Variants in GUCY1A2 observed in about 807,000 individuals in gnomAD.
GUCY1A2 encodes the protein guanylate cyclase soluble subunit alpha-2.
In GUCY1A2, 27 loss-of-function variants were observed where a neutral mutation model predicts 63.5. That is an observed-to-expected ratio of 0.43 (90% CI 0.31 to 0.59). GUCY1A2 has a LOEUF of 0.59. Ranked by LOEUF, GUCY1A2 falls within the 20% of genes least tolerant of loss-of-function variation. GUCY1A2 has a pLI of 0.11. For synonymous variants in GUCY1A2, 364 were observed against 343.5 expected (o/e 1.06, Z -0.66); for missense variants, 768 against 913.3 (o/e 0.84, Z 2.05).
Position 106,674,773 on chromosome 11 carries a change from A to C in GUCY1A2, c.*12776T>G, listed in dbSNP as rs989801752. ...ATTGCAAACCAAACCAAAAATTTAG[A>C]CCCATGAAATTGCAGCAAACAAATT... On this transcript the variant is annotated 3_prime_UTR_variant, in exon 8 of 8. Coordinates refer to ENST00000526355, the MANE Select transcript of GUCY1A2 (RefSeq NM_000855.3). The C allele has an allele frequency of 2.8e-5, 6 of 210,844 alleles. No homozygotes were observed. The highest frequency in any genetic ancestry group is 1.4e-4 in the African/African-American group (6 of 44,224). The allele number at this position is 210,844 out of a possible 1,614,324, so 13.1% of individuals were successfully genotyped here. A position where few individuals can be genotyped will look rare whatever the true frequency, so the allele number is the denominator to read the frequency against.
chr11:106,851,047 C>CTA (rs1859347153), intron 4 of GUCY1A2, among the ~76,000 whole-genome samples: 2 of 151,680 alleles, frequency 1.3e-5, no homozygotes, highest in East Asian at 3.9e-4. Flanking sequence ...ACTGGAGTGA[C>CTA]ATCTCTCATT....
At chr11:106,766,891 G>A (rs1402287090) in intron 6 of GUCY1A2, among the ~76,000 whole-genome samples, 1 of 152,010 alleles carries the variant, frequency 6.6e-6, no homozygotes. Flanking sequence ...CCTACTAAAT[G>A]GGTTGATGAA....
chr11:106,871,066 A>C (rs1859670597), intron 4 of GUCY1A2, among the ~76,000 whole-genome samples: 1 of 146,624 alleles, frequency 6.8e-6, no homozygotes, highest in Admixed American at 7.4e-5. Context: ...CATAATTAGC[A>C]ACTAATAAAC....
chr11:106,725,402 G>T lies in GUCY1A2; in HGVS notation c.1837-16736C>A, dbSNP rs1180933708. On this transcript the variant is annotated intron_variant, in intron 6 of 7. Coordinates refer to ENST00000526355, the MANE Select transcript of GUCY1A2 (RefSeq NM_000855.3). The stretch of plus-strand genomic sequence containing the variant: ...TTAGCCGGGATGGTCTCGATCTCCT[G>T]ACCTCGTGATCCGCCCGCCTCGGCC... Among the ~76,000 whole-genome samples, 4 of 47,260 alleles carry T rather than the reference G, an allele frequency of 8.5e-5. 1 individual carries two copies. The highest frequency in any genetic ancestry group is 4.2e-4 in the Admixed American group (2 of 4,792). 31.0% of individuals were successfully genotyped at this position (47,260 alleles called of 152,430 possible). A position where few individuals can be genotyped will look rare whatever the true frequency, so the allele number is the denominator to read the frequency against.
In GUCY1A2 at chr11:106,812,987, A is replaced by G. The variant is rs1565298018; in HGVS notation, c.1207-2509T>C. ...ATTTTTACTTTAATTGGAAAATAATATAAATTATCCTTCTTGAATTATGTT... is the reference window on the plus strand; with the variant it reads ...ATTTTTACTTTAATTGGAAAATAATGTAAATTATCCTTCTTGAATTATGTT... On this transcript the variant is annotated intron_variant, in intron 4 of 7. Coordinates refer to ENST00000526355, the MANE Select transcript of GUCY1A2 (RefSeq NM_000855.3). 2.0e-5 allele frequency among the ~76,000 whole-genome samples: 3 copies of G among 152,056 alleles called. No individual in the cohort carries two copies. In the East Asian group the frequency reaches 5.8e-4, roughly 29 times the overall value.
At chr11:106,923,976 A>G (rs1482589188) in intron 4 of GUCY1A2, among the ~76,000 whole-genome samples, 1 of 152,198 alleles carries the variant, frequency 6.6e-6, no homozygotes, top group Non-Finnish European at 1.5e-5. Context: ...CCAAAATTAT[A>G]AGAATAAAAT....
chr11:106,810,512 C>G (rs1858749242), intron 4 of GUCY1A2, 34 bp from the exon 5 acceptor site: 1 of 1,533,036 alleles, frequency 6.5e-7, no homozygotes, highest in East Asian at 2.3e-5. Context: ...GATCAGTACT[C>G]TTCACATAGT....
intron 6 of GUCY1A2, among the ~76,000 whole-genome samples, chr11:106,757,839 A>G (rs1864000472): frequency 6.6e-6 from 1 of 152,178 alleles, no homozygotes. Context: ...TCATGGACCC[A>G]CTTGAGGAGA....
chr11:106,848,926 C>T (rs112406123), intron 4 of GUCY1A2, among the ~76,000 whole-genome samples: 2,438 of 151,608 alleles, frequency 0.016, 29 homozygotes, highest in Admixed American at 0.027. Context: ...GGAAAAGTTA[C>T]GTTTTGAATT....
intron 4 of GUCY1A2, among the ~76,000 whole-genome samples, chr11:106,907,339 T>G (rs1300224133): frequency 6.6e-6 from 1 of 152,090 alleles, no homozygotes; most frequent in Non-Finnish European, 1.5e-5. Context: ...ATGTCTTTTT[T>G]TAGGGTGACA....
chr11:106,709,603 GTTATATATTATATACGTGTATATA>G (rs201268599), intron 6 of GUCY1A2, among the ~76,000 whole-genome samples: 1 of 65,830 alleles, frequency 1.5e-5, no homozygotes, highest in South Asian at 5.4e-4. Flanking sequence ...ATAATATATA[GTTATATATTATATACGTGTATATA>G]TTATATACAC....
At position 106,686,303 on chromosome 11, in the gene GUCY1A2, A is replaced by G. The variant is rs1336163194; in HGVS notation, c.*1246T>C. 4.6e-6 allele frequency: 1 copy of G among 219,212 alleles called. No homozygotes were observed. The highest frequency in any genetic ancestry group is 5.8e-5 in the Admixed American group (1 of 17,306). 13.6% of individuals were successfully genotyped at this position (219,212 alleles called of 1,614,324 possible). On this transcript the variant is annotated 3_prime_UTR_variant, in exon 8 of 8. Transcript: ENST00000526355. ...CCTATCTGTAACTATAATGATTACT[A>G]GTTCTGAAGATTATACCTACTTCAG...
Position 106,974,934 on chromosome 11 carries a change from A to G in GUCY1A2, c.487+3685T>C, listed in dbSNP as rs550088640. Among the ~76,000 whole-genome samples the G allele has an allele frequency of 3.4e-4, 52 of 152,156 alleles. 4 individuals carry two copies. Among genetic ancestry groups the G allele is most frequent in the Admixed American group, 2.2e-3 (34 of 15,264 alleles). On this transcript the variant is annotated intron_variant, in intron 3 of 7. Transcript: ENST00000526355. ...AACCTGCAAATCTTTATATGCTATA[A>G]CTCCTCAGTAAATGAATTAACCTAG...
chr11:106,846,053 T>C (rs1479582279), intron 4 of GUCY1A2, among the ~76,000 whole-genome samples: 2 of 151,586 alleles, frequency 1.3e-5, no homozygotes, highest in South Asian at 4.1e-4. Context: ...AAAATTCAGA[T>C]TGTAGAACTC....
chr11:106,742,931 TCTTC>T (rs1424881108), intron 6 of GUCY1A2, among the ~76,000 whole-genome samples: 5 of 152,186 alleles, frequency 3.3e-5, no homozygotes, highest in African/African-American at 1.2e-4. Flanking sequence ...TTAATCTGAG[TCTTC>T]TTTAGGTTTT....
chr11:106,681,043 A>G lies in GUCY1A2; in HGVS notation c.*6506T>C, dbSNP rs1186399515. The G allele has an allele frequency of 9.7e-6, 2 of 207,212 alleles. No homozygotes were observed. The highest frequency in any genetic ancestry group is 2.0e-5 in the Non-Finnish European group (2 of 101,632). 12.8% of individuals were successfully genotyped at this position (207,212 alleles called of 1,614,324 possible). A position where few individuals can be genotyped will look rare whatever the true frequency, so the allele number is the denominator to read the frequency against. ...ACTAAAGAACTGATTATCATTGACT[A>G]TGCCACATTCTATTAAAATTGTATT... On this transcript the variant is annotated 3_prime_UTR_variant, in exon 8 of 8. Coordinates refer to ENST00000526355, the MANE Select transcript of GUCY1A2 (RefSeq NM_000855.3).
intron 6 of GUCY1A2, among the ~76,000 whole-genome samples, chr11:106,738,523 AG>A (rs1397704730): frequency 6.6e-6 from 1 of 152,116 alleles, no homozygotes; most frequent in African/African-American, 2.4e-5. Flanking sequence ...TTATGGTTTT[AG>A]GTCTTACGTT....
intron 4 of GUCY1A2, among the ~76,000 whole-genome samples, chr11:106,898,571 G>T (rs994038627): frequency 1.3e-5 from 2 of 152,128 alleles, no homozygotes; most frequent in African/African-American, 4.8e-5. Context: ...AATTAAATGT[G>T]CATAATTAAA....
At chr11:106,973,610 A>G (rs1861224721) in intron 3 of GUCY1A2, among the ~76,000 whole-genome samples, 1 of 151,992 alleles carries the variant, frequency 6.6e-6, no homozygotes, top group Non-Finnish European at 1.5e-5. Context: ...GCATCAGAGG[A>G]GTGATGACAC....
Sources: gnomAD v4.1 joint callset for allele counts (sites outside exome capture counted in the v4.1 genomes callset) on GRCh38, gnomAD v4.1.1 for gene constraint, MANE v1.5 for transcripts, NCBI Gene and HGNC (gene_info 2026-07-23, HGNC 2026-07-21) for gene names.